MARCHF1: variants seen among roughly 807,000 people sequenced by gnomAD.
MARCHF1 encodes the protein membrane associated ring-CH-type finger 1.
MARCHF1 carries 40 observed loss-of-function variants against 54.2 expected under a neutral mutation model. The observed-to-expected ratio is 0.74, with a 90% CI of 0.57 to 0.96. The LOEUF (loss-of-function observed/expected upper bound fraction) is 0.96, where lower values mean the gene tolerates loss of function less well. MARCHF1 is among the 40% of genes least tolerant of loss of function. The probability of loss-of-function intolerance (pLI) is 0.00; values close to 1 mark genes in which losing one functional copy is unlikely to be tolerated. For synonymous variants in MARCHF1, 236 were observed against 236.3 expected, an observed-to-expected ratio of 1.00 and a Z score of 0.01; for missense variants, 586 against 656.5, an observed-to-expected ratio of 0.89 and a Z score of 1.17.
intron 1 of MARCHF1, among the ~76,000 whole-genome samples, chr4:164,161,196 A>T (rs1231650914): frequency 1.3e-5 from 2 of 152,060 alleles, no homozygotes; most frequent in Non-Finnish European, 2.9e-5. Flanking sequence ...TGTCCTCGTG[A>T]TAGGGAGTGA....
intron 1 of MARCHF1, among the ~76,000 whole-genome samples, chr4:164,346,604 GTATATATA>G (rs56936775): frequency 4.0e-4 from 17 of 42,578 alleles, no homozygotes; most frequent in South Asian, 9.6e-4. Flanking sequence ...ATGTATGTAT[GTATATATA>G]TATATATATA....
At chr4:163,682,465 G>T (rs184065908) in intron 5 of MARCHF1, among the ~76,000 whole-genome samples, 72 of 152,284 alleles carry the variant, frequency 4.7e-4, no homozygotes, top group Middle Eastern at 3.4e-3. Flanking sequence ...CTAGAGGCCT[G>T]GGGGGAGAAA....
intron 4 of MARCHF1, among the ~76,000 whole-genome samples, chr4:163,726,481 G>A (rs571359951): frequency 6.6e-6 from 1 of 152,144 alleles, no homozygotes; most frequent in South Asian, 2.1e-4. Flanking sequence ...TCCATTGTCT[G>A]GATATTCCAC....
intron 2 of MARCHF1, among the ~76,000 whole-genome samples, chr4:164,062,809 T>A (rs113156499): frequency 0.034 from 5,231 of 152,162 alleles, 182 homozygotes; most frequent in African/African-American, 0.089. Context: ...CAGGCATGAG[T>A]CACCACGCCA....
At chr4:163,723,986 G>A (rs1044204181) in intron 4 of MARCHF1, among the ~76,000 whole-genome samples, 7 of 152,150 alleles carry the variant, frequency 4.6e-5, no homozygotes, top group South Asian at 2.1e-4. Context: ...CCTTTAGCTC[G>A]GAGAAGTTTG....
At chr4:164,167,272 T>C (rs1310708689) in intron 1 of MARCHF1, among the ~76,000 whole-genome samples, 3 of 151,762 alleles carry the variant, frequency 2.0e-5, no homozygotes, top group African/African-American at 4.8e-5. Context: ...ATGAAAGAAA[T>C]TGAAGAAGAT....
In MARCHF1 at chr4:164,346,504, G is replaced by A. The variant is rs565535702; in HGVS notation, c.-323+37366C>T. ...AATTGCTAGACTGAAAGGCCCTGGA[G>A]GCCAGGTCTTCATCTTTTGCCTCTT... On this transcript the variant is annotated intron_variant, in intron 1 of 9. Transcript: ENST00000514618. 2.6e-4 allele frequency among the ~76,000 whole-genome samples: 39 copies of A among 151,510 alleles called. No homozygotes were observed. In the East Asian group the frequency reaches 6.8e-3, roughly 27 times the overall value.
intron 2 of MARCHF1, among the ~76,000 whole-genome samples, chr4:164,066,819 G>T (rs1560888197): frequency 6.6e-6 from 1 of 152,174 alleles, no homozygotes; most frequent in African/African-American, 2.4e-5. Context: ...GCTAAATGAT[G>T]AGAACACATG....
At chr4:164,271,171 GC>G (rs1315308093) in intron 1 of MARCHF1, among the ~76,000 whole-genome samples, 1 of 152,244 alleles carries the variant, frequency 6.6e-6, no homozygotes, top group East Asian at 1.9e-4. Flanking sequence ...CCTCAAAGAT[GC>G]CCATGCCTAA....
chr4:164,233,536 T>C (rs916553708), intron 1 of MARCHF1, among the ~76,000 whole-genome samples: 4 of 152,128 alleles, frequency 2.6e-5, no homozygotes, highest in South Asian at 2.1e-4. Flanking sequence ...TCTCATGACA[T>C]ACCATTATCC....
intron 2 of MARCHF1, among the ~76,000 whole-genome samples, chr4:164,011,715 G>A (rs571704240): frequency 4.6e-5 from 7 of 152,130 alleles, no homozygotes; most frequent in African/African-American, 1.4e-4. Context: ...CAGTATGAAG[G>A]TTCCCCCAAA....
intron 4 of MARCHF1, among the ~76,000 whole-genome samples, chr4:163,756,137 C>G (rs1277902916): frequency 6.6e-5 from 10 of 152,292 alleles, no homozygotes; most frequent in Admixed American, 2.6e-4. Context: ...TTGATACTTT[C>G]ACATACAGTT....
At chr4:164,335,706 GCT>G (rs5863678) in intron 1 of MARCHF1, among the ~76,000 whole-genome samples, 81,827 of 151,590 alleles carry the variant, frequency 0.54, 22,653 homozygotes, top group East Asian at 0.65. Flanking sequence ...ATTATGACTT[GCT>G]CTGGAGGCCC....
chr4:163,576,204 C>G (rs1740031624), intron 8 of MARCHF1, among the ~76,000 whole-genome samples: 1 of 149,422 alleles, frequency 6.7e-6, no homozygotes, highest in African/African-American at 2.5e-5. Context: ...TTTAACACTG[C>G]CTTTGCTGCA....
chr4:164,004,651 G>A (rs1045417327), intron 2 of MARCHF1, among the ~76,000 whole-genome samples: 23 of 152,008 alleles, frequency 1.5e-4, no homozygotes, highest in African/African-American at 5.5e-4. Context: ...TATATTTTCT[G>A]GTCATAACAG....
intron 3 of MARCHF1, among the ~76,000 whole-genome samples, chr4:163,948,210 T>C (rs1752061686): frequency 6.6e-6 from 1 of 152,234 alleles, no homozygotes; most frequent in African/African-American, 2.4e-5. Context: ...TCACATGGTA[T>C]ACTTTACGTT....
At chr4:163,880,925 C>A (rs1028189370) in intron 3 of MARCHF1, among the ~76,000 whole-genome samples, 1 of 152,048 alleles carries the variant, frequency 6.6e-6, no homozygotes, top group African/African-American at 2.4e-5. Flanking sequence ...GCGTTCATAC[C>A]CATGTCAGTT....
intron 3 of MARCHF1, among the ~76,000 whole-genome samples, chr4:163,892,003 G>A (rs1028883849): frequency 6.6e-6 from 1 of 151,828 alleles, no homozygotes; most frequent in Non-Finnish European, 1.5e-5. Context: ...AGATTCAACA[G>A]ATTTTTTTTT....
intron 7 of MARCHF1, among the ~76,000 whole-genome samples, chr4:163,594,304 G>C (rs1740688431): frequency 6.6e-6 from 1 of 151,912 alleles, no homozygotes; most frequent in Non-Finnish European, 1.5e-5. Context: ...AGTATGAAAA[G>C]AGCATGAAAG....
Sources: allele counts gnomAD v4.1 joint callset (sites outside exome capture counted in the v4.1 genomes callset), GRCh38; gene constraint gnomAD v4.1.1; transcripts MANE v1.5; gene names NCBI Gene and HGNC (gene_info 2026-07-23, HGNC 2026-07-21).